NCS1: variants seen among roughly 807,000 people sequenced by gnomAD.
The protein encoded by NCS1 is frequenin homolog.
In NCS1, 6 loss-of-function variants were observed where a neutral mutation model predicts 28.4. The ratio of observed to expected loss-of-function variants is 0.21; its 90% CI spans 0.12 to 0.42. The LOEUF is 0.42. Among genes scored for constraint, NCS1 ranks in the 10% least tolerant of loss-of-function variants. The pLI, the probability that NCS1 is intolerant of heterozygous loss-of-function variation, is 1.00. For synonymous variants in NCS1, 86 were observed against 99.3 expected (o/e 0.87, Z 0.79); for missense variants, 131 against 241.4 (o/e 0.54, Z 3.03).
chr9:130,186,820 G>A lies in NCS1; in HGVS notation c.64+14093G>A, dbSNP rs1156611319. On this transcript the variant is annotated intron_variant, in intron 1 of 7. Coordinates refer to ENST00000372398, the MANE Select transcript of NCS1 (RefSeq NM_014286.4). The surrounding 1 kb of genome is among the most constrained non-coding windows in gnomAD (Gnocchi z 4.1). Reference sequence around the variant, plus strand: ...ACTGCAGCATAGAGGGCCTGTGGCCGTGAGGGTGCTGATGGCGGGAGGGCC... The same window carrying A: ...ACTGCAGCATAGAGGGCCTGTGGCCATGAGGGTGCTGATGGCGGGAGGGCC... 5.3e-5 allele frequency among the ~76,000 whole-genome samples: 8 copies of A among 152,258 alleles called. No homozygotes were observed. Among genetic ancestry groups the A allele is most frequent in the Non-Finnish European group, 8.8e-5 (6 of 68,038 alleles).
intron 2 of NCS1, among the ~76,000 whole-genome samples, chr9:130,214,863 G>A (rs1833161354): frequency 6.6e-6 from 1 of 152,100 alleles, no homozygotes; most frequent in African/African-American, 2.4e-5. Flanking sequence ...CCTCTGCAGG[G>A]GTAACTGGAT....
chr9:130,191,215 C>T lies in NCS1; in HGVS notation c.65-9743C>T, dbSNP rs1554906230. Among the ~76,000 whole-genome samples the T allele has an allele frequency of 1.3e-5, 2 of 152,190 alleles. No individual in the cohort carries two copies. The highest frequency in any genetic ancestry group is 4.8e-5 in the African/African-American group (2 of 41,450). On this transcript the variant is annotated intron_variant, in intron 1 of 7. Coordinates refer to ENST00000372398, the MANE Select transcript of NCS1 (RefSeq NM_014286.4). This position sits in a 1 kb window ranked among gnomAD's most constrained non-coding sequence, Gnocchi z 6.4. ...TCTGTGCAAAGGCCCTGGGTGATCC[C>T]TGCTGGACTGTGTGTCCCAAGCCGA...
At chr9:130,218,011 C>T in intron 3 of NCS1, 41 bp downstream of exon 3, 1 of 1,613,152 alleles carries the variant, frequency 6.2e-7, no homozygotes, top group Non-Finnish European at 8.5e-7. Flanking sequence ...GCTGGCTCAG[C>T]TCCTGTGGGT....
At chr9:130,194,297 G>C (rs1460298728) in intron 1 of NCS1, among the ~76,000 whole-genome samples, 3 of 152,220 alleles carry the variant, frequency 2.0e-5, no homozygotes, top group African/African-American at 7.2e-5. Flanking sequence ...GGAGGAGCTG[G>C]AGTAGAGGAG....
intron 1 of NCS1, among the ~76,000 whole-genome samples, chr9:130,193,495 C>T (rs1554906460): frequency 6.6e-6 from 1 of 152,102 alleles, no homozygotes; most frequent in Non-Finnish European, 1.5e-5. Context: ...TTGGATGGGA[C>T]TTGTCTGCAG....
Position 130,186,208 on chromosome 9 carries a change from C to T in NCS1, c.64+13481C>T, listed in dbSNP as rs782509213. Among the ~76,000 whole-genome samples, 2 of 152,206 alleles carry T rather than the reference C, an allele frequency of 1.3e-5. No homozygotes were observed. The highest frequency in any genetic ancestry group is 4.8e-5 in the African/African-American group (2 of 41,450). ...GCGGATGCTGGGGCCACAGGGCAGG[C>T]TGGCTGGCTGGATTTCTGGCCCTGC... is the stretch of plus-strand genomic sequence containing the variant. On this transcript the variant is annotated intron_variant, in intron 1 of 7. Coordinates refer to ENST00000372398, the MANE Select transcript of NCS1 (RefSeq NM_014286.4). This position sits in a 1 kb window ranked among gnomAD's most constrained non-coding sequence, Gnocchi z 4.1.
intron 1 of NCS1, among the ~76,000 whole-genome samples, chr9:130,174,425 T>C (rs1832532973): frequency 6.6e-6 from 1 of 152,068 alleles, no homozygotes; most frequent in South Asian, 2.1e-4. Context: ...AAACTAAGGC[T>C]CAGAGGGGCA....
intron 4 of NCS1, among the ~76,000 whole-genome samples, chr9:130,221,180 C>T (rs1253683965): frequency 6.6e-6 from 1 of 151,732 alleles, no homozygotes; most frequent in East Asian, 1.9e-4. Flanking sequence ...TGTGCCACCA[C>T]ACCTGGCTAA....
chr9:130,236,236 A>AT lies in NCS1; in HGVS notation c.*3266dup, dbSNP rs1833590799. ...CAGGCTGTCTCTGGAAAAAGCCTCCATTGCCCACCCGCCAGGCGGAAAGTC... is the reference window on the plus strand; with the variant it reads ...CAGGCTGTCTCTGGAAAAAGCCTCCATTTGCCCACCCGCCAGGCGGAAAGTC... On this transcript the variant is annotated 3_prime_UTR_variant, in exon 8 of 8. Transcript: ENST00000372398. 1 of 152,108 alleles carries AT rather than the reference A, an allele frequency of 6.6e-6. No individual in the cohort carries two copies. Among genetic ancestry groups the AT allele is most frequent in the South Asian group, 2.1e-4 (1 of 4,822 alleles). The allele number at this position is 152,108 out of a possible 1,614,324, so 9.4% of individuals were successfully genotyped here. A position where few individuals can be genotyped will look rare whatever the true frequency, so the allele number is the denominator to read the frequency against.
Position 130,191,139 on chromosome 9 carries a change from A to C in NCS1, c.65-9819A>C, listed in dbSNP as rs1832811723. 6.6e-6 allele frequency among the ~76,000 whole-genome samples: 1 copy of C among 152,206 alleles called. No individual in the cohort carries two copies. Among genetic ancestry groups the C allele is most frequent in the African/African-American group, 2.4e-5 (1 of 41,464 alleles). On this transcript the variant is annotated intron_variant, in intron 1 of 7. Transcript: ENST00000372398. This position sits in a 1 kb window ranked among gnomAD's most constrained non-coding sequence, Gnocchi z 6.4. The stretch of plus-strand genomic sequence containing the variant: ...TCTCGTTGGCCCCTGACAGCGGGGC[A>C]GGGAGCACGCTGACCCAGGCCACGT...
intron 2 of NCS1, among the ~76,000 whole-genome samples, chr9:130,204,177 A>G (rs574614676): frequency 6.6e-6 from 1 of 151,986 alleles, no homozygotes; most frequent in South Asian, 2.1e-4. Context: ...GTATTTTTTT[A>G]GGACAGACGG....
chr9:130,197,081 T>C (rs1393858417), intron 1 of NCS1, among the ~76,000 whole-genome samples: 1 of 152,248 alleles, frequency 6.6e-6, no homozygotes, highest in East Asian at 1.9e-4. Flanking sequence ...CTCAGGTTAA[T>C]TATTTTTGGC....
In NCS1 at chr9:130,219,986, G is replaced by A. The variant is rs562909356; in HGVS notation, c.307+183G>A. Among the ~76,000 whole-genome samples the A allele has an allele frequency of 2.0e-5, 3 of 152,368 alleles. No homozygotes were observed. Among genetic ancestry groups the A allele is most frequent in the East Asian group, 1.9e-4 (1 of 5,180 alleles). ...GGGCAGGTGGCCCTCACACGGCCAC[G>A]TAACTAGGCCAGGCTGACTGTCCAG... is the stretch of plus-strand genomic sequence containing the variant. On this transcript the variant is annotated intron_variant, in intron 4 of 7. Coordinates refer to ENST00000372398, the MANE Select transcript of NCS1 (RefSeq NM_014286.4). This position sits in a 1 kb window ranked among gnomAD's most constrained non-coding sequence, Gnocchi z 5.7.
rs923368914 is a variant in NCS1 at position 130,191,799 on chromosome 9, A to C, written c.65-9159A>C. ...AGCCTGCTTGGAAGGGGCAGCGAGC[A>C]GAGCAGACGGGGCCCGCCCACCTTT... On this transcript the variant is annotated intron_variant, in intron 1 of 7. Coordinates refer to ENST00000372398, the MANE Select transcript of NCS1 (RefSeq NM_014286.4). This position sits in a 1 kb window ranked among gnomAD's most constrained non-coding sequence, Gnocchi z 6.4. Among the ~76,000 whole-genome samples the C allele has an allele frequency of 6.6e-5, 10 of 152,350 alleles. No individual in the cohort carries two copies. Among genetic ancestry groups the C allele is most frequent in the Non-Finnish European group, 1.2e-4 (8 of 68,036 alleles).
At chr9:130,211,606 G>A (rs782623677) in intron 2 of NCS1, among the ~76,000 whole-genome samples, 2 of 151,844 alleles carry the variant, frequency 1.3e-5, no homozygotes, top group African/African-American at 2.4e-5. Flanking sequence ...AGGTGGGCAG[G>A]GCCAGGAGAG....
rs950635778 is a variant in NCS1 at position 130,177,153 on chromosome 9, C to T, written c.64+4426C>T. Among the ~76,000 whole-genome samples the T allele has an allele frequency of 2.0e-5, 3 of 152,200 alleles. No individual in the cohort carries two copies. Among genetic ancestry groups the T allele is most frequent in the East Asian group, 1.9e-4 (1 of 5,184 alleles). On this transcript the variant is annotated intron_variant, in intron 1 of 7. Coordinates refer to ENST00000372398, the MANE Select transcript of NCS1 (RefSeq NM_014286.4). The surrounding 1 kb of genome is among the most constrained non-coding windows in gnomAD (Gnocchi z 4.4). Reference sequence around the variant, plus strand: ...GGAGCAGGTGGAGGGCAGGAGCCCACGGCTGACGCCTCTGTGACCCCGAGC... The same window carrying T: ...GGAGCAGGTGGAGGGCAGGAGCCCATGGCTGACGCCTCTGTGACCCCGAGC...
At chr9:130,182,168 A>G (rs1832668323) in intron 1 of NCS1, among the ~76,000 whole-genome samples, 1 of 151,978 alleles carries the variant, frequency 6.6e-6, no homozygotes, top group Non-Finnish European at 1.5e-5. Context: ...CCTTATACCC[A>G]TTTTACAGAT....
At chr9:130,212,885 C>T (rs1833131448) in intron 2 of NCS1, among the ~76,000 whole-genome samples, 1 of 152,100 alleles carries the variant, frequency 6.6e-6, no homozygotes, top group Non-Finnish European at 1.5e-5. Context: ...GCACGTCAGG[C>T]TGGGACCATG....
chr9:130,230,919 A>G (rs933632767), intron 7 of NCS1, among the ~76,000 whole-genome samples: 2 of 152,162 alleles, frequency 1.3e-5, no homozygotes, highest in Non-Finnish European at 2.9e-5. Flanking sequence ...AGCAAAAGCA[A>G]TCAATAATTC....
Sources: allele counts gnomAD v4.1 joint callset (sites outside exome capture counted in the v4.1 genomes callset), GRCh38; gene constraint gnomAD v4.1.1; non-coding constraint Gnocchi (gnomAD v3.1); transcripts MANE v1.5; gene names NCBI Gene and HGNC (gene_info 2026-07-23, HGNC 2026-07-21).